Variants in PMS1 observed in about 807,000 individuals in gnomAD.
PMS1 encodes PMS1 protein homolog 1.
A neutral mutation model predicts 93.1 loss-of-function variants in PMS1; 79 were observed. The observed-to-expected ratio is 0.85, with a 90% confidence interval of 0.71 to 1.02. The LOEUF is 1.02. Among genes scored for constraint, PMS1 ranks in the 50% least tolerant of loss-of-function variants. The probability of loss-of-function intolerance (pLI) is 0.00; values close to 1 mark genes in which losing one functional copy is unlikely to be tolerated. For synonymous variants in PMS1, 335 were observed against 363.4 expected (o/e 0.92, Z 0.89); for missense variants, 1,064 against 1,085.3 (o/e 0.98, Z 0.28).
rs1401509192 is a variant in PMS1 at position 189,797,515 on chromosome 2, T to A, written c.315+1564T>A. Among the ~76,000 whole-genome samples the A allele has an allele frequency of 2.0e-5, 3 of 152,210 alleles. 1 individual carries two copies. The highest frequency in any genetic ancestry group is 2.0e-4 in the Admixed American group (3 of 15,278). ...TACTATTACCCTGTGGATGTTGGGC[T>A]CTTATTGTGTGACAGTATCTATGTG... On this transcript the variant is annotated intron_variant, in intron 3 of 12. Transcript: ENST00000441310.
intron 9 of PMS1, among the ~76,000 whole-genome samples, chr2:189,862,554 C>T (rs988502020): frequency 7.9e-5 from 12 of 152,148 alleles, no homozygotes; most frequent in Non-Finnish European, 1.3e-4. Flanking sequence ...GTATAGCAGG[C>T]ATTGTGGGTG....
intron 12 of PMS1, 136 bp from the exon 13 acceptor site, chr2:189,877,136 T>C (rs2057644902): frequency 1.4e-6 from 1 of 738,564 alleles, no homozygotes; most frequent in Non-Finnish European, 2.2e-6. Context: ...ACAACATAGT[T>C]GATACTTAAT....
chr2:189,848,256 T>C (rs1176358014), intron 6 of PMS1, among the ~76,000 whole-genome samples: 1 of 152,186 alleles, frequency 6.6e-6, no homozygotes, highest in Non-Finnish European at 1.5e-5. Flanking sequence ...ATATTCTAGC[T>C]ATCATAATTT....
intron 11 of PMS1, 41 bp downstream of exon 11, chr2:189,867,970 T>TA: frequency 1.3e-6 from 2 of 1,527,030 alleles, no homozygotes; most frequent in Non-Finnish European, 1.8e-6. Flanking sequence ...GTGGAAAAAT[T>TA]AGTCTTGTTC....
intron 10 of PMS1, among the ~76,000 whole-genome samples, chr2:189,866,934 T>C (rs530213735): frequency 1.3e-5 from 2 of 152,308 alleles, no homozygotes; most frequent in African/African-American, 4.8e-5. Flanking sequence ...TTTAGGATAT[T>C]GGTTAGATGA....
At chr2:189,787,494 A>G (rs1432588174) in intron 1 of PMS1, among the ~76,000 whole-genome samples, 3 of 152,158 alleles carry the variant, frequency 2.0e-5, no homozygotes, top group African/African-American at 7.2e-5. Context: ...CAATTTAATT[A>G]ATTTAATCTT....
At chr2:189,838,857 A>G (rs940110240) in intron 5 of PMS1, among the ~76,000 whole-genome samples, 1 of 152,236 alleles carries the variant, frequency 6.6e-6, no homozygotes, top group Non-Finnish European at 1.5e-5. Context: ...CTGTAGCATG[A>G]TAGCTAGTAT....
chr2:189,874,049 A>G lies in PMS1; in HGVS notation c.2634+393A>G, dbSNP rs1029258422. Among the ~76,000 whole-genome samples, 3 of 152,272 alleles carry G rather than the reference A, an allele frequency of 2.0e-5. No homozygotes were observed. In the Middle Eastern group the frequency reaches 0.01, roughly 518 times the overall value. ...TCTTAAAATAGTAAATTATTTCCAAATAGTAGAATATTATCTGTAAGTTTT... is the reference window on the plus strand; with the variant it reads ...TCTTAAAATAGTAAATTATTTCCAAGTAGTAGAATATTATCTGTAAGTTTT... On this transcript the variant is annotated intron_variant, in intron 12 of 12. Coordinates refer to ENST00000441310, the MANE Select transcript of PMS1 (RefSeq NM_000534.5).
At chr2:189,817,194 T>C (rs758136248) in intron 4 of PMS1, among the ~76,000 whole-genome samples, 2 of 152,192 alleles carry the variant, frequency 1.3e-5, no homozygotes, top group African/African-American at 4.8e-5. Context: ...ATGTCAATGC[T>C]GCGAAGGTTG....
At chr2:189,842,062 C>T (rs1293252448) in intron 5 of PMS1, among the ~76,000 whole-genome samples, 8 of 151,032 alleles carry the variant, frequency 5.3e-5, no homozygotes, top group African/African-American at 1.9e-4. Context: ...CTTTCTGAAA[C>T]ACTTGTTTCA....
intron 2 of PMS1, 76 bp from the exon 3 acceptor site, chr2:189,795,693 T>C: frequency 8.6e-7 from 1 of 1,163,698 alleles, no homozygotes. Context: ...CAAAATTCTT[T>C]CACTTGTGTT....
At chr2:189,820,210 A>G (rs1003057372) in intron 5 of PMS1, among the ~76,000 whole-genome samples, 1 of 152,184 alleles carries the variant, frequency 6.6e-6, no homozygotes, top group Non-Finnish European at 1.5e-5. Flanking sequence ...TAGGTTTAAT[A>G]CTTTGCTCAT....
At chr2:189,832,330 T>TA (rs2053021138) in intron 5 of PMS1, among the ~76,000 whole-genome samples, 1 of 152,220 alleles carries the variant, frequency 6.6e-6, no homozygotes, top group Non-Finnish European at 1.5e-5. Flanking sequence ...TGAAATCAAA[T>TA]ACTGCTATGT....
intron 9 of PMS1, among the ~76,000 whole-genome samples, chr2:189,859,279 A>G (rs909007808): frequency 6.6e-6 from 1 of 152,170 alleles, no homozygotes; most frequent in Admixed American, 6.5e-5. Flanking sequence ...TATTTCTCAC[A>G]ACAAAACTGA....
intron 5 of PMS1, among the ~76,000 whole-genome samples, chr2:189,835,657 G>C (rs1208067263): frequency 6.6e-6 from 1 of 152,076 alleles, no homozygotes; most frequent in Non-Finnish European, 1.5e-5. Context: ...TGGGTATGGT[G>C]GCTCACACCT....
chr2:189,838,048 G>T (rs1418665256), intron 5 of PMS1, among the ~76,000 whole-genome samples: 1 of 152,126 alleles, frequency 6.6e-6, no homozygotes, highest in Non-Finnish European at 1.5e-5. Flanking sequence ...TTTCTTTTTG[G>T]ACTGATAAAA....
chr2:189,797,212 A>G (rs765281765), intron 3 of PMS1, among the ~76,000 whole-genome samples: 5 of 152,158 alleles, frequency 3.3e-5, no homozygotes, highest in Non-Finnish European at 7.4e-5. Flanking sequence ...ATTACGCTCT[A>G]GAGATGTGAA....
At chr2:189,865,950 A>G (rs2056621485) in intron 10 of PMS1, among the ~76,000 whole-genome samples, 2 of 152,190 alleles carry the variant, frequency 1.3e-5, no homozygotes, top group African/African-American at 4.8e-5. Flanking sequence ...ATTGGAGGAG[A>G]AAAAAACAGG....
At position 189,791,601 on chromosome 2, in the gene PMS1, C is replaced by T. The variant is rs560206889; in HGVS notation, c.-20-189C>T. 1.9e-3 allele frequency: 887 copies of T among 469,728 alleles called. 10 individuals are homozygous for T. Among genetic ancestry groups the T allele is most frequent in the Non-Finnish European group, 3.6e-4 (93 of 257,652 alleles). 29.1% of individuals were successfully genotyped at this position (469,728 alleles called of 1,614,324 possible). ...CACTGCACTCCAGCCTGGGTGACAG[C>T]GAGATTTCATCTCCAAAAAAAAAAA... On this transcript the variant is annotated intron_variant, in intron 1 of 12. Transcript: ENST00000441310.
Sources: gnomAD v4.1 joint callset for allele counts (sites outside exome capture counted in the v4.1 genomes callset) on GRCh38, gnomAD v4.1.1 for gene constraint, MANE v1.5 for transcripts, NCBI Gene and HGNC (gene_info 2026-07-23, HGNC 2026-07-21) for gene names.